CTNNA2: variants seen among roughly 807,000 people sequenced by gnomAD.
The protein encoded by CTNNA2 is catenin alpha-2.
In CTNNA2, 42 loss-of-function variants were observed where a neutral mutation model predicts 101.0. The ratio of observed to expected loss-of-function variants is 0.42; its 90% CI spans 0.32 to 0.54. The LOEUF (loss-of-function observed/expected upper bound fraction) is 0.54, where lower values mean the gene tolerates loss of function less well. CTNNA2 is among the 20% of genes least tolerant of loss of function. The pLI is 0.14. For synonymous variants in CTNNA2, 450 were observed against 456.4 expected (o/e 0.99, Z 0.18); for missense variants, 871 against 1,223.1 (o/e 0.71, Z 4.29).
intron 5 of CTNNA2, among the ~76,000 whole-genome samples, chr2:79,872,095 T>C (rs1682627464): frequency 6.6e-6 from 1 of 152,260 alleles, no homozygotes; most frequent in Non-Finnish European, 1.5e-5. Flanking sequence ...CACATATTAA[T>C]GCATTTAAAA....
chr2:79,913,100 A>T (rs1443105627), intron 7 of CTNNA2, among the ~76,000 whole-genome samples: 6 of 152,202 alleles, frequency 3.9e-5, no homozygotes, highest in Non-Finnish European at 7.3e-5. Context: ...CTGTTGTGGG[A>T]GGAGACAGAC....
intron 2 of CTNNA2, among the ~76,000 whole-genome samples, chr2:79,244,610 A>C (rs534612024): frequency 6.6e-6 from 1 of 152,334 alleles, no homozygotes; most frequent in African/African-American, 2.4e-5. Flanking sequence ...CACAGGGTTC[A>C]TGCAAACCCA....
At chr2:79,982,192 C>CTATATATATATATATATATATA (rs70940064) in intron 7 of CTNNA2, among the ~76,000 whole-genome samples, 1 of 75,046 alleles carries the variant, frequency 1.3e-5, no homozygotes, top group Non-Finnish European at 2.3e-5. Flanking sequence ...GCATGTGCCA[C>CTATATATATATATATATATATA]TATATATATA....
intron 7 of CTNNA2, among the ~76,000 whole-genome samples, chr2:80,306,723 C>T (rs1053051938): frequency 2.0e-5 from 3 of 151,824 alleles, no homozygotes; most frequent in Non-Finnish European, 2.9e-5. Flanking sequence ...AGGAGGCACC[C>T]GCAGGGTTAA....
intron 4 of CTNNA2, among the ~76,000 whole-genome samples, chr2:79,435,026 T>C (rs1294116506): frequency 6.6e-6 from 1 of 152,140 alleles, no homozygotes; most frequent in African/African-American, 2.4e-5. Context: ...ATTCTGTAAC[T>C]AACCATAGTG....
chr2:80,636,056 A>T (rs112712052), intron 18 of CTNNA2, among the ~76,000 whole-genome samples: 38 of 148,302 alleles, frequency 2.6e-4, no homozygotes, highest in African/African-American at 9.3e-4. Flanking sequence ...CCTTTTCAAT[A>T]ACCTTGGATT....
chr2:80,289,507 C>A (rs565375241), intron 7 of CTNNA2, among the ~76,000 whole-genome samples: 1 of 152,312 alleles, frequency 6.6e-6, no homozygotes, highest in Non-Finnish European at 1.5e-5. Context: ...CCAATTGCTC[C>A]TAATGCCATC....
chr2:79,672,334 C>G (rs1469980696), intron 2 of CTNNA2, among the ~76,000 whole-genome samples: 2 of 152,166 alleles, frequency 1.3e-5, no homozygotes, highest in African/African-American at 4.8e-5. Flanking sequence ...AAATTACTCA[C>G]TCTGATCGTT....
At chr2:79,285,366 T>C (rs1057478246) in intron 2 of CTNNA2, among the ~76,000 whole-genome samples, 38 of 150,250 alleles carry the variant, frequency 2.5e-4, no homozygotes, top group Non-Finnish European at 5.2e-4. Flanking sequence ...TTTTGGATCT[T>C]TCCTGCTTTC....
At chr2:80,388,719 T>C (rs2149360226) in intron 7 of CTNNA2, among the ~76,000 whole-genome samples, 1 of 152,336 alleles carries the variant, frequency 6.6e-6, no homozygotes, top group African/African-American at 2.4e-5. Context: ...ACACCACACA[T>C]TTTGCTTTTA....
chr2:79,699,106 T>A (rs1317119082), intron 2 of CTNNA2, among the ~76,000 whole-genome samples: 2 of 152,092 alleles, frequency 1.3e-5, no homozygotes, highest in Non-Finnish European at 2.9e-5. Context: ...TAGTACTAAC[T>A]AAAAAACTAA....
chr2:79,516,234 C>T (rs1410295713), intron 1 of CTNNA2, among the ~76,000 whole-genome samples: 1 of 152,094 alleles, frequency 6.6e-6, no homozygotes, highest in South Asian at 2.1e-4. Context: ...GTACTTGGTA[C>T]AAACAAAACA....
At chr2:79,617,061 C>T (rs779739830) in intron 1 of CTNNA2, among the ~76,000 whole-genome samples, 14 of 151,824 alleles carry the variant, frequency 9.2e-5, no homozygotes, top group Non-Finnish European at 1.8e-4. Flanking sequence ...GCCACCATAC[C>T]CGGCTAATTT....
chr2:79,366,284 A>G (rs1239233064), intron 3 of CTNNA2, among the ~76,000 whole-genome samples: 1 of 152,260 alleles, frequency 6.6e-6, no homozygotes, highest in Non-Finnish European at 1.5e-5. Flanking sequence ...GGCACACATC[A>G]TTCAGAATTA....
chr2:79,304,865 T>C (rs1229504268), intron 2 of CTNNA2, among the ~76,000 whole-genome samples: 2 of 152,152 alleles, frequency 1.3e-5, no homozygotes, highest in African/African-American at 2.4e-5. Flanking sequence ...CATGAAGAAA[T>C]GAATTGCTGA....
chr2:80,085,529 A>C (rs1171961251), intron 7 of CTNNA2, among the ~76,000 whole-genome samples: 2 of 152,106 alleles, frequency 1.3e-5, no homozygotes, highest in African/African-American at 4.8e-5. Flanking sequence ...GGTGGTGCAC[A>C]GTTATGTATG....
chr2:79,693,526 A>C (rs1451778023), intron 2 of CTNNA2, among the ~76,000 whole-genome samples: 1 of 151,962 alleles, frequency 6.6e-6, no homozygotes, highest in Non-Finnish European at 1.5e-5. Context: ...TACTAATGGG[A>C]ATAATTCAGA....
At chr2:79,222,857 G>A (rs781475459) in intron 2 of CTNNA2, among the ~76,000 whole-genome samples, 7 of 152,046 alleles carry the variant, frequency 4.6e-5, no homozygotes, top group Non-Finnish European at 8.8e-5. Context: ...CCTTATGAAA[G>A]AGGCCCCAGA....
chr2:79,763,161 G>A (rs1291544412), intron 3 of CTNNA2, among the ~76,000 whole-genome samples: 1 of 151,922 alleles, frequency 6.6e-6, no homozygotes, highest in Non-Finnish European at 1.5e-5. Context: ...AGTCTATATC[G>A]CTAATATTTT....
Sources: allele counts gnomAD v4.1 joint callset (sites outside exome capture counted in the v4.1 genomes callset), GRCh38; gene constraint gnomAD v4.1.1; transcripts MANE v1.5; gene names NCBI Gene and HGNC (gene_info 2026-07-23, HGNC 2026-07-21).